Variants in AFF3 observed in about 807,000 individuals in gnomAD.
The protein encoded by AFF3 is AF4/FMR2 family member 3.
In AFF3, 32 loss-of-function variants were observed where a neutral mutation model predicts 129.7. The ratio of observed to expected loss-of-function variants is 0.25; its 90% CI spans 0.19 to 0.33. AFF3 has a LOEUF of 0.33. Ranked by LOEUF, AFF3 falls within the 10% of genes least tolerant of loss-of-function variation. The probability of loss-of-function intolerance (pLI) is 1.00; values close to 1 mark genes in which losing one functional copy is unlikely to be tolerated. For missense variants in AFF3, 1,373 were observed against 1,592.0 expected, an observed-to-expected ratio of 0.86 and a Z score of 2.34; for synonymous variants, 644 against 635.4, an observed-to-expected ratio of 1.01 and a Z score of -0.20.
chr2:99,794,321 T>C (rs921110508), intron 8 of AFF3, among the ~76,000 whole-genome samples: 1 of 152,232 alleles, frequency 6.6e-6, no homozygotes, highest in African/African-American at 2.4e-5. Context: ...TTAGGTTACT[T>C]GTGTATCAAA....
chr2:99,823,513 G>A (rs1457738918), intron 8 of AFF3, among the ~76,000 whole-genome samples: 1 of 152,156 alleles, frequency 6.6e-6, no homozygotes, highest in African/African-American at 2.4e-5. Flanking sequence ...CTATTGAAAA[G>A]ATATTTACAA....
chr2:99,909,679 G>GT (rs1289754206), intron 7 of AFF3, among the ~76,000 whole-genome samples: 1 of 151,962 alleles, frequency 6.6e-6, no homozygotes, highest in African/African-American at 2.4e-5. Flanking sequence ...TTGGGTCTCG[G>GT]TATAGGCCAT....
chr2:99,612,643 G>A (rs1214976242), intron 13 of AFF3, among the ~76,000 whole-genome samples: 3 of 152,234 alleles, frequency 2.0e-5, no homozygotes, highest in Admixed American at 6.5e-5. Flanking sequence ...GAATATCTAA[G>A]TGTTGACTTT....
intron 4 of AFF3, among the ~76,000 whole-genome samples, chr2:100,019,374 A>G (rs1683400091): frequency 6.6e-6 from 1 of 152,226 alleles, no homozygotes; most frequent in Non-Finnish European, 1.5e-5. Flanking sequence ...CCTAGGCTAG[A>G]AAGAAGATAA....
chr2:99,675,682 G>C (rs1482179498), intron 11 of AFF3, among the ~76,000 whole-genome samples: 1 of 152,214 alleles, frequency 6.6e-6, no homozygotes, highest in Non-Finnish European at 1.5e-5. Context: ...AATGAAACAT[G>C]GTTAGGAGAA....
At chr2:99,659,110 G>A (rs1249408233) in intron 12 of AFF3, among the ~76,000 whole-genome samples, 1 of 151,422 alleles carries the variant, frequency 6.6e-6, no homozygotes, top group Non-Finnish European at 1.5e-5. Context: ...GGAAGTAGCT[G>A]TCTGGGTTAG....
At chr2:99,730,888 A>T (rs1051207322) in intron 10 of AFF3, among the ~76,000 whole-genome samples, 1 of 152,168 alleles carries the variant, frequency 6.6e-6, no homozygotes, top group Non-Finnish European at 1.5e-5. Context: ...AACAGAAAAG[A>T]AAAGGTAATG....
intron 23 of AFF3, 33 bp from the exon 24 acceptor site, chr2:99,554,567 C>T (rs1030164923): frequency 1.2e-5 from 19 of 1,607,370 alleles, no homozygotes; most frequent in African/African-American, 2.7e-5. Context: ...ACCAGAGTGG[C>T]GAGGTCGGGA....
chr2:99,606,346 T>G (rs1374407854), intron 13 of AFF3, among the ~76,000 whole-genome samples: 1 of 152,212 alleles, frequency 6.6e-6, no homozygotes, highest in Non-Finnish European at 1.5e-5. Context: ...GGACAATTTT[T>G]AGCATGCTAC....
intron 7 of AFF3, among the ~76,000 whole-genome samples, chr2:99,877,295 G>C (rs879457713): frequency 6.6e-6 from 1 of 152,156 alleles, no homozygotes; most frequent in Admixed American, 6.5e-5. Context: ...AGATGTAATC[G>C]GTATGAAGGG....
At chr2:100,140,563 C>T (rs1692821619) in intron 1 of AFF3, among the ~76,000 whole-genome samples, 1 of 152,170 alleles carries the variant, frequency 6.6e-6, no homozygotes, top group Admixed American at 6.5e-5. Flanking sequence ...CTAAAATAAG[C>T]ATAATTGCAA....
At chr2:99,740,863 T>A (rs1437171351) in intron 10 of AFF3, among the ~76,000 whole-genome samples, 1 of 152,240 alleles carries the variant, frequency 6.6e-6, no homozygotes, top group Non-Finnish European at 1.5e-5. Flanking sequence ...CATTTTGACA[T>A]GAAGTCCTTG....
intron 7 of AFF3, among the ~76,000 whole-genome samples, chr2:99,894,972 G>A (rs1274977690): frequency 1.3e-5 from 2 of 152,196 alleles, no homozygotes; most frequent in African/African-American, 4.8e-5. Context: ...ATGTACAGGT[G>A]TGGCAGCTGC....
intron 12 of AFF3, among the ~76,000 whole-genome samples, chr2:99,662,275 A>G (rs1686314018): frequency 6.6e-6 from 1 of 152,216 alleles, no homozygotes; most frequent in African/African-American, 2.4e-5. Flanking sequence ...TACGGATATG[A>G]AAAAGGTCTG....
rs1674083842 is a variant in AFF3, at chr2:99,546,724, T to C, written c.*4750A>G. ...TCTTCTTTAGTTCAAAATTATCTTA[T>C]TTTACTCAACCAAATATTGCAAACA... On this transcript the variant is annotated 3_prime_UTR_variant, in exon 25 of 25. Transcript: ENST00000672756. The C allele has an allele frequency of 4.5e-6, 1 of 224,474 alleles. No homozygotes were observed. Among genetic ancestry groups the C allele is most frequent in the Admixed American group, 5.7e-5 (1 of 17,452 alleles). The allele number at this position is 224,474 out of a possible 1,614,324, so 13.9% of individuals were successfully genotyped here.
At position 99,675,045 on chromosome 2, in the gene AFF3, T is replaced by C. The variant is rs114371805; in HGVS notation, c.1092-2456A>G. ...CTCTGGGGCTGAGCATTTGTGCTTCTATAATGAGACTCATCTATCTCATCA... is the reference window on the plus strand; with the variant it reads ...CTCTGGGGCTGAGCATTTGTGCTTCCATAATGAGACTCATCTATCTCATCA... On this transcript the variant is annotated intron_variant, in intron 11 of 24. Coordinates refer to ENST00000672756, the MANE Select transcript of AFF3 (RefSeq NM_001386135.1). Among the ~76,000 whole-genome samples the C allele has an allele frequency of 5.4e-3, 829 of 152,360 alleles. 5 individuals are homozygous for C. The highest frequency in any genetic ancestry group is 0.019 in the African/African-American group (773 of 41,584).
intron 11 of AFF3, among the ~76,000 whole-genome samples, chr2:99,685,953 C>T (rs1344039724): frequency 2.0e-5 from 3 of 151,936 alleles, no homozygotes; most frequent in African/African-American, 2.4e-5. Context: ...CTGTGGGAGG[C>T]GGAGGCGGGC....
intron 8 of AFF3, among the ~76,000 whole-genome samples, chr2:99,779,375 C>T (rs1157805098): frequency 6.6e-6 from 1 of 152,050 alleles, no homozygotes; most frequent in Non-Finnish European, 1.5e-5. Context: ...GCATAAATCC[C>T]TAAGAAATAA....
At chr2:99,649,877 G>A (rs570986403) in intron 12 of AFF3, among the ~76,000 whole-genome samples, 35 of 152,302 alleles carry the variant, frequency 2.3e-4, no homozygotes, top group Non-Finnish European at 4.6e-4. Context: ...ACTGAAGCCC[G>A]GCAATGCACA....
Sources: allele counts gnomAD v4.1 joint callset (sites outside exome capture counted in the v4.1 genomes callset), GRCh38; gene constraint gnomAD v4.1.1; transcripts MANE v1.5; gene names NCBI Gene and HGNC (gene_info 2026-07-23, HGNC 2026-07-21).